Variants in MIPOL1 observed in about 807,000 individuals in gnomAD.
MIPOL1 encodes the protein mirror-image polydactyly gene 1 protein.
In MIPOL1, 57 loss-of-function variants were observed where a neutral mutation model predicts 60.9. That is an observed-to-expected ratio of 0.94 (90% confidence interval 0.76 to 1.17). The LOEUF (loss-of-function observed/expected upper bound fraction) is 1.17, where lower values mean the gene tolerates loss of function less well. Ranked by LOEUF, MIPOL1 falls within the 50% of genes most tolerant of loss-of-function variation. The pLI, the probability that MIPOL1 is intolerant of heterozygous loss-of-function variation, is 0.00. For synonymous variants in MIPOL1, 179 were observed against 168.8 expected (o/e 1.06, Z -0.47); for missense variants, 551 against 511.6 (o/e 1.08, Z -0.74).
chr14:37,497,230 A>G (rs1024762972), intron 11 of MIPOL1, among the ~76,000 whole-genome samples: 1 of 152,234 alleles, frequency 6.6e-6, no homozygotes, highest in East Asian at 1.9e-4. Context: ...GGACATAGGC[A>G]TGGGCAAGGA....
At chr14:37,260,272 A>C (rs1438148949) in intron 3 of MIPOL1, among the ~76,000 whole-genome samples, 1 of 151,342 alleles carries the variant, frequency 6.6e-6, no homozygotes, top group Non-Finnish European at 1.5e-5. Flanking sequence ...AACCTAATTT[A>C]GTATCTCCTT....
intron 3 of MIPOL1, among the ~76,000 whole-genome samples, chr14:37,249,646 G>A (rs544319596): frequency 2.0e-5 from 3 of 152,182 alleles, no homozygotes; most frequent in South Asian, 2.1e-4. Flanking sequence ...TTAATAGTGC[G>A]TATATTATGT....
chr14:37,413,861 G>A (rs929197730), intron 10 of MIPOL1, among the ~76,000 whole-genome samples: 2 of 152,078 alleles, frequency 1.3e-5, no homozygotes, highest in Non-Finnish European at 2.9e-5. Flanking sequence ...TCAAGGCTAC[G>A]GGCTTTTCAA....
intron 10 of MIPOL1, among the ~76,000 whole-genome samples, chr14:37,383,925 A>G (rs2092995955): frequency 6.6e-6 from 1 of 151,840 alleles, no homozygotes; most frequent in Non-Finnish European, 1.5e-5. Context: ...TTAACATACA[A>G]ATGAACTCAG....
chr14:37,273,163 A>G (rs1332208697), intron 6 of MIPOL1, among the ~76,000 whole-genome samples: 3 of 151,200 alleles, frequency 2.0e-5, no homozygotes, highest in Admixed American at 6.6e-5. Context: ...GAAAAACTTC[A>G]TAACTATTAA....
In MIPOL1 at chr14:37,548,659, C is replaced by A. The variant is rs1245187946; in HGVS notation, c.*1688C>A. 6.6e-6 allele frequency: 1 copy of A among 151,848 alleles called. No individual in the cohort carries two copies. The highest frequency in any genetic ancestry group is 1.5e-5 in the Non-Finnish European group (1 of 67,778). The allele number at this position is 151,848 out of a possible 1,614,324, so 9.4% of individuals were successfully genotyped here. ...GGAGGTGCAGGTAAGTAAAGAGAAA[C>A]AATTTTTGTCACAAAGTAGTCCATT... On this transcript the variant is annotated 3_prime_UTR_variant, in exon 13 of 13. Coordinates refer to ENST00000684589, the MANE Select transcript of MIPOL1 (RefSeq NM_001388067.1).
chr14:37,336,072 G>A (rs567093346), intron 9 of MIPOL1, among the ~76,000 whole-genome samples: 2 of 141,156 alleles, frequency 1.4e-5, no homozygotes, highest in Admixed American at 1.4e-4. Context: ...GCTAATATTT[G>A]TATATGGTAT....
At chr14:37,215,785 C>T (rs906669917) in intron 1 of MIPOL1, among the ~76,000 whole-genome samples, 6 of 152,138 alleles carry the variant, frequency 3.9e-5, no homozygotes, top group Admixed American at 6.6e-5. Context: ...ATAAAGGGAT[C>T]GGCCAGATGT....
At chr14:37,292,625 C>G (rs1435331089) in intron 7 of MIPOL1, among the ~76,000 whole-genome samples, 1 of 151,710 alleles carries the variant, frequency 6.6e-6, no homozygotes, top group Non-Finnish European at 1.5e-5. Context: ...GGATTATAGG[C>G]ACCTGCCACC....
intron 10 of MIPOL1, among the ~76,000 whole-genome samples, chr14:37,421,595 CTA>C (rs2093873883): frequency 6.6e-6 from 1 of 151,972 alleles, no homozygotes; most frequent in Admixed American, 6.6e-5. Context: ...TAATTATGGA[CTA>C]TGTCATGTTA....
chr14:37,477,910 C>T (rs959714457), intron 11 of MIPOL1, among the ~76,000 whole-genome samples: 1 of 152,308 alleles, frequency 6.6e-6, no homozygotes, highest in East Asian at 1.9e-4. Context: ...TTTTCTATTG[C>T]TTTGCTTATT....
chr14:37,331,036 A>G (rs1349233805), intron 9 of MIPOL1, among the ~76,000 whole-genome samples: 2 of 151,890 alleles, frequency 1.3e-5, no homozygotes, highest in Non-Finnish European at 2.9e-5. Context: ...ATTTTGTTCC[A>G]TTGGTCTATG....
At chr14:37,444,077 A>C (rs2094294468) in intron 11 of MIPOL1, among the ~76,000 whole-genome samples, 1 of 152,126 alleles carries the variant, frequency 6.6e-6, no homozygotes, top group Admixed American at 6.6e-5. Flanking sequence ...TCCCACTTGA[A>C]CTTTCTGAAG....
chr14:37,509,046 A>G (rs1251680698), intron 12 of MIPOL1, among the ~76,000 whole-genome samples: 1 of 152,040 alleles, frequency 6.6e-6, no homozygotes, highest in East Asian at 1.9e-4. Context: ...AGCTATCCGA[A>G]CATAATGGTT....
At chr14:37,377,801 G>A (rs2092818201) in intron 10 of MIPOL1, among the ~76,000 whole-genome samples, 1 of 146,512 alleles carries the variant, frequency 6.8e-6, no homozygotes, top group Non-Finnish European at 1.5e-5. Context: ...AGGCTGGAGT[G>A]CAGTGGTATG....
intron 11 of MIPOL1, among the ~76,000 whole-genome samples, chr14:37,494,947 A>G (rs2095098539): frequency 6.6e-6 from 1 of 152,066 alleles, no homozygotes; most frequent in African/African-American, 2.4e-5. Flanking sequence ...AAACATGTCC[A>G]TCTGAGAGAA....
rs761177562 is a variant in MIPOL1, at chr14:37,369,599, A to AAAACAATCAAGAACGTGCT, written c.912_930dup (p.Leu311LysfsTer56). On this transcript the variant is annotated frameshift_variant, in exon 10 of 13. Transcript: ENST00000684589. LOFTEE classifies it high-confidence loss of function. ...AACAACATGAGACATCTGACTGCTG[A>AAAACAATCAAGAACGTGCT]AAACAATCAAGAACGTGCTCTGAAG... 60 of 1,613,036 alleles carry AAAACAATCAAGAACGTGCT rather than the reference A, an allele frequency of 3.7e-5. No homozygotes were observed. The highest frequency in any genetic ancestry group is 4.5e-5 in the Non-Finnish European group (53 of 1,179,388).
chr14:37,332,934 G>A (rs12436405), intron 9 of MIPOL1, among the ~76,000 whole-genome samples: 84,695 of 151,942 alleles, frequency 0.56, 25,407 homozygotes, highest in Non-Finnish European at 0.67. Context: ...CTGTTGTGGA[G>A]ATGAGTAGCA....
chr14:37,292,880 G>A lies in MIPOL1; in HGVS notation c.623+7433G>A, dbSNP rs112147725. ...CCTTTCTATATAACCCTAGGGCAAT[G>A]GGATGGGAATGGAATTTGGTAAGAC... On this transcript the variant is annotated intron_variant, in intron 7 of 12. Transcript: ENST00000684589. Among the ~76,000 whole-genome samples, 343 of 152,264 alleles carry A rather than the reference G, an allele frequency of 2.3e-3. 2 individuals are homozygous for A. The highest frequency in any genetic ancestry group is 7.7e-3 in the African/African-American group (321 of 41,552).
Sources: allele counts gnomAD v4.1 joint callset (sites outside exome capture counted in the v4.1 genomes callset), GRCh38; gene constraint gnomAD v4.1.1; transcripts MANE v1.5; gene names NCBI Gene and HGNC (gene_info 2026-07-23, HGNC 2026-07-21).